TRAPPC10: variants seen among roughly 807,000 people sequenced by gnomAD.
TRAPPC10 encodes trafficking protein particle complex subunit 10.
TRAPPC10 carries 23 observed loss-of-function variants against 125.5 expected under a neutral mutation model. The ratio of observed to expected loss-of-function variants is 0.18; its 90% confidence interval spans 0.13 to 0.26. The LOEUF is 0.26. Among genes scored for constraint, TRAPPC10 ranks in the 10% least tolerant of loss-of-function variants. The pLI, the probability that TRAPPC10 is intolerant of heterozygous loss-of-function variation, is 1.00. For synonymous variants in TRAPPC10, 509 were observed against 518.0 expected (o/e 0.98, Z 0.24); for missense variants, 1,123 against 1,308.4 (o/e 0.86, Z 2.19).
chr21:44,047,861 T>A (rs2034965075), intron 3 of TRAPPC10, among the ~76,000 whole-genome samples: 1 of 152,250 alleles, frequency 6.6e-6, no homozygotes, highest in Admixed American at 6.5e-5. Flanking sequence ...AATAACTAAG[T>A]GACAGTAGTT....
At chr21:44,029,702 A>G (rs568315187) in intron 1 of TRAPPC10, among the ~76,000 whole-genome samples, 5 of 152,310 alleles carry the variant, frequency 3.3e-5, no homozygotes, top group Non-Finnish European at 5.9e-5. Context: ...CAGCCACAGC[A>G]TGGGCCTTTG....
chr21:44,046,195 G>T (rs147304191), intron 3 of TRAPPC10, among the ~76,000 whole-genome samples: 1 of 152,166 alleles, frequency 6.6e-6, no homozygotes, highest in Non-Finnish European at 1.5e-5. Context: ...AATTTGGTTG[G>T]TTGGAAAGCT....
At chr21:44,044,332 CTTGA>C (rs1184037568) in intron 3 of TRAPPC10, among the ~76,000 whole-genome samples, 2 of 131,310 alleles carry the variant, frequency 1.5e-5, no homozygotes, top group African/African-American at 6.1e-5. Context: ...TTTTTCAAAT[CTTGA>C]TTATCGTCTA....
chr21:44,013,713 T>A (rs2031463856), intron 1 of TRAPPC10, among the ~76,000 whole-genome samples: 1 of 152,210 alleles, frequency 6.6e-6, no homozygotes, highest in African/African-American at 2.4e-5. Context: ...TTGTCTCTTC[T>A]CCTCTCCTCC....
chr21:44,073,623 G>A (rs1601756465), intron 7 of TRAPPC10, among the ~76,000 whole-genome samples: 1 of 152,072 alleles, frequency 6.6e-6, no homozygotes, highest in Admixed American at 6.6e-5. Context: ...TACAGTAGGC[G>A]CGGTACCTGG....
At chr21:44,020,425 C>A (rs2032386432) in intron 1 of TRAPPC10, among the ~76,000 whole-genome samples, 1 of 152,024 alleles carries the variant, frequency 6.6e-6, no homozygotes, top group Non-Finnish European at 1.5e-5. Flanking sequence ...GCGCCTGGCC[C>A]ATTTTTCTTA....
chr21:44,092,116 G>A (rs2038626967), intron 19 of TRAPPC10, 67 bp downstream of exon 19: 1 of 1,587,628 alleles, frequency 6.3e-7, no homozygotes, highest in Non-Finnish European at 8.6e-7. Context: ...AAATGATGTA[G>A]TATGTGTTGC....
chr21:44,058,448 G>A (rs577810715), intron 5 of TRAPPC10, among the ~76,000 whole-genome samples: 19 of 152,312 alleles, frequency 1.2e-4, no homozygotes, highest in South Asian at 1.0e-3. Flanking sequence ...GGGATGTCTC[G>A]AAAGGATTTA....
chr21:44,025,654 G>A lies in TRAPPC10; in HGVS notation c.68-6437G>A, dbSNP rs146830307. Among the ~76,000 whole-genome samples the A allele has an allele frequency of 7.7e-3, 1,167 of 152,154 alleles. 17 individuals are homozygous for A. The highest frequency in any genetic ancestry group is 0.027 in the African/African-American group (1,117 of 41,498). On this transcript the variant is annotated intron_variant, in intron 1 of 22. Coordinates refer to ENST00000291574, the MANE Select transcript of TRAPPC10 (RefSeq NM_003274.5). ...TTTAAGTTAAAACAGAAAAAGACTG[G>A]GACTTTCTGTCTTTTGACTAGTCTT...
At chr21:44,027,042 A>G (rs1013815373) in intron 1 of TRAPPC10, among the ~76,000 whole-genome samples, 6 of 152,222 alleles carry the variant, frequency 3.9e-5, no homozygotes, top group Non-Finnish European at 8.8e-5. Context: ...AACACTCCAC[A>G]TGTCTCCAAC....
chr21:44,087,837 G>A lies in TRAPPC10; in HGVS notation c.2678G>A (p.Gly893Glu). The change falls in exon 17 of 23, where the codon GGG becomes GAG. Residue 893 changes from glycine (G) to glutamate (E), a missense_variant. Gly to Glu is a moderately conservative substitution (Grantham distance 98, BLOSUM62 -2). Transcript: ENST00000291574. The surrounding 1 kb of genome is among the most constrained non-coding windows in gnomAD (Gnocchi z 4.6). ...TTACCTTCAGCCCCAGCACTCGGAG[G>A]GGAGAGTGACATGCTGGGGATGGCA... is the stretch of plus-strand genomic sequence containing the variant. Reference protein sequence around the residue: ...LSLPSAPALGGESDMLGMAEP... With the variant: ...LSLPSAPALGEESDMLGMAEP... 1 of 1,614,240 alleles carries A rather than the reference G, an allele frequency of 6.2e-7. No individual in the cohort carries two copies. Among genetic ancestry groups the A allele is most frequent in the Non-Finnish European group, 8.5e-7 (1 of 1,180,046 alleles).
At chr21:44,030,112 G>A (rs1044385811) in intron 1 of TRAPPC10, among the ~76,000 whole-genome samples, 4 of 152,194 alleles carry the variant, frequency 2.6e-5, no homozygotes, top group South Asian at 2.1e-4. Context: ...CTTACTGTAC[G>A]GCAGGGTTCC....
intron 1 of TRAPPC10, among the ~76,000 whole-genome samples, chr21:44,024,876 C>T (rs535964817): frequency 6.6e-6 from 1 of 152,120 alleles, no homozygotes; most frequent in Admixed American, 6.6e-5. Flanking sequence ...TTATGGTTTT[C>T]CTTCCACGTG....
In TRAPPC10 at chr21:44,085,052, C is replaced by G. The variant is rs149449838; in HGVS notation, c.2380+789C>G. 4.2e-3 allele frequency among the ~76,000 whole-genome samples: 641 copies of G among 152,262 alleles called. 4 individuals are homozygous for G. The highest frequency in any genetic ancestry group is 7.2e-3 in the Non-Finnish European group (488 of 68,014). ...GGAAGTGACATTACACAGGCATGAT[C>G]GATTACACCACTGGCCACTGATGAG... On this transcript the variant is annotated intron_variant, in intron 15 of 22. Transcript: ENST00000291574.
rs2037404813 is a variant in TRAPPC10, at chr21:44,077,899, T to G, written c.1469+115T>G. 7 of 713,610 alleles carry G rather than the reference T, an allele frequency of 9.8e-6. No individual in the cohort carries two copies. The East Asian group carries it at 2.2e-4, about 22-fold the overall frequency. The allele number at this position is 713,610 out of a possible 1,614,324, so 44.2% of individuals were successfully genotyped here. A position where few individuals can be genotyped will look rare whatever the true frequency, so the allele number is the denominator to read the frequency against. On this transcript the variant is annotated intron_variant, in intron 11 of 22. Transcript: ENST00000291574. Reference sequence around the variant, plus strand: ...AAATTTGTAGACTGAAAAGTGTAGATTCTCTTACCCAGTCCTCATAATTTT... The same window carrying G: ...AAATTTGTAGACTGAAAAGTGTAGAGTCTCTTACCCAGTCCTCATAATTTT...
intron 10 of TRAPPC10, 115 bp from the exon 11 acceptor site, chr21:44,077,578 C>CT (rs2037379021): frequency 1.3e-6 from 1 of 760,882 alleles, no homozygotes; most frequent in Non-Finnish European, 2.1e-6. Context: ...GAGCAAGACT[C>CT]TGTCTCAAAA....
Position 44,081,069 on chromosome 21 carries a change from G to A in TRAPPC10, c.1723+942G>A, listed in dbSNP as rs142514616. On this transcript the variant is annotated intron_variant, in intron 13 of 22. Transcript: ENST00000291574. ...CTTGCTCTCTTGCCTGGGCTGGAGTGCAGTGGCACGATCCCAGCTCACTGT... is the reference window on the plus strand; with the variant it reads ...CTTGCTCTCTTGCCTGGGCTGGAGTACAGTGGCACGATCCCAGCTCACTGT... 3.4e-3 allele frequency among the ~76,000 whole-genome samples: 463 copies of A among 134,696 alleles called. 2 individuals carry two copies. Among genetic ancestry groups the A allele is most frequent in the African/African-American group, 0.012 (431 of 35,318 alleles). The allele number at this position is 134,696 out of a possible 152,430, so 88.4% of individuals were successfully genotyped here. A position where few individuals can be genotyped will look rare whatever the true frequency, so the allele number is the denominator to read the frequency against.
chr21:44,094,311 T>C, intron 20 of TRAPPC10, 78 bp downstream of exon 20: 1 of 1,320,724 alleles, frequency 7.6e-7, no homozygotes. Flanking sequence ...TCTGAAGAAC[T>C]GAATAGACAG....
Position 44,079,577 on chromosome 21 carries a change from C to G in TRAPPC10, c.1483C>G (p.Pro495Ala), listed in dbSNP as rs761481564. ...LAEFYMRKKA[P>A]QKAEIYLQGA... ...TGACTTTGCAAGGAGGAAAAAGGCT[C>G]CACAAAAGGCAGAAATCTATCTTCA... Residue 495 changes from proline (P) to alanine (A), a missense_variant, in exon 12 of 23, where the codon CCA (proline) becomes GCA (alanine). By Grantham distance (27) the Pro-to-Ala change is conservative. Around this residue, in one of 4 missense-constraint regions of TRAPPC10, gnomAD observed 840 missense variants for 902.0 expected, o/e 0.93. Transcript: ENST00000291574. The G allele has an allele frequency of 6.9e-6, 11 of 1,597,466 alleles. No homozygotes were observed. The highest frequency in any genetic ancestry group is 9.4e-6 in the Non-Finnish European group (11 of 1,176,178).
Sources: allele counts gnomAD v4.1 joint callset (sites outside exome capture counted in the v4.1 genomes callset), GRCh38; gene constraint gnomAD v4.1.1; regional missense constraint gnomAD v4.1.1; non-coding constraint Gnocchi (gnomAD v3.1); transcripts MANE v1.5; gene names NCBI Gene and HGNC (gene_info 2026-07-23, HGNC 2026-07-21).